CUX1: variants seen among roughly 807,000 people sequenced by gnomAD.
The protein encoded by CUX1 is protein CASP.
Under a neutral mutation model 158.8 loss-of-function variants are expected in CUX1, and 31 were observed. The ratio of observed to expected loss-of-function variants is 0.20; its 90% confidence interval spans 0.15 to 0.26. CUX1 has a LOEUF of 0.26. Among genes scored for constraint, CUX1 ranks in the 10% least tolerant of loss-of-function variants. The probability of loss-of-function intolerance (pLI) is 1.00; values close to 1 mark genes in which losing one functional copy is unlikely to be tolerated. For synonymous variants in CUX1, 879 were observed against 862.1 expected (o/e 1.02, Z -0.34); for missense variants, 1,589 against 2,014.6 (o/e 0.79, Z 4.04).
chr7:101,914,945 C>CT (rs1804006294), intron 1 of CUX1, among the ~76,000 whole-genome samples: 1 of 152,124 alleles, frequency 6.6e-6, no homozygotes, highest in African/African-American at 2.4e-5. Flanking sequence ...GCCTGTGGGA[C>CT]TTGGTGAGCT....
chr7:101,825,739 T>A (rs1249361839), intron 1 of CUX1, among the ~76,000 whole-genome samples: 1 of 148,390 alleles, frequency 6.7e-6, no homozygotes, highest in Non-Finnish European at 1.5e-5. Context: ...AACGCCCTGA[T>A]ACCTTAATGA....
At chr7:102,081,033 G>A (rs1827324978) in intron 4 of CUX1, among the ~76,000 whole-genome samples, 2 of 151,994 alleles carry the variant, frequency 1.3e-5, no homozygotes, top group South Asian at 2.1e-4. Context: ...TGGCCACTTC[G>A]CTACTCCCCA....
chr7:101,925,219 C>T (rs2129103541), intron 2 of CUX1, among the ~76,000 whole-genome samples: 1 of 152,316 alleles, frequency 6.6e-6, no homozygotes, highest in South Asian at 2.1e-4. Context: ...AGCAATTCTC[C>T]TGCCTCAGCC....
In CUX1 at chr7:102,269,330, C is replaced by A. The variant is rs73187871; in HGVS notation, c.1256-4036C>A. Among the ~76,000 whole-genome samples, 734 of 152,130 alleles carry A rather than the reference C, an allele frequency of 4.8e-3. 5 individuals are homozygous for A. Among genetic ancestry groups the A allele is most frequent in the Non-Finnish European group, 8.0e-3 (542 of 68,006 alleles). On this transcript the variant is annotated intron_variant, in intron 14 of 22. Transcript: ENST00000292538. Reference sequence around the variant, plus strand: ...GGATGAATATCCAAACTATATAATTCCACCCCTGCCCCCTCACGCAAATCT... The same window carrying A: ...GGATGAATATCCAAACTATATAATTACACCCCTGCCCCCTCACGCAAATCT...
chr7:102,214,867 T>A (rs1187886742), intron 20 of CUX1, among the ~76,000 whole-genome samples: 1 of 152,226 alleles, frequency 6.6e-6, no homozygotes, highest in East Asian at 1.9e-4. Context: ...ATAGCCCGAG[T>A]CTGAATTGGC....
rs1804217017 is a variant in CUX1, at chr7:101,916,406, G to C, written c.141+181G>C. On this transcript the variant is annotated intron_variant, in intron 2 of 23. Transcript: ENST00000292535. This position sits in a 1 kb window ranked among gnomAD's most constrained non-coding sequence, Gnocchi z 4.4. ...CAGAACGCATGCCATCCTGCAGGCT[G>C]TGGGGATGTGGAAATTGATAGGTTG... 3.9e-6 allele frequency: 2 copies of C among 510,086 alleles called. No homozygotes were observed. The highest frequency in any genetic ancestry group is 1.9e-5 in the African/African-American group (1 of 51,686). 31.6% of individuals were successfully genotyped at this position (510,086 alleles called of 1,614,324 possible).
At chr7:102,213,235 G>A (rs1796727115) in intron 20 of CUX1, among the ~76,000 whole-genome samples, 1 of 152,212 alleles carries the variant, frequency 6.6e-6, no homozygotes, top group Non-Finnish European at 1.5e-5. Context: ...TACTCCTGGT[G>A]CCGCAGTCCT....
chr7:102,126,177 C>CTGTGTGTGTGTGTGTGTGTGTG (rs3988138), intron 8 of CUX1, among the ~76,000 whole-genome samples: 1 of 135,466 alleles, frequency 7.4e-6, no homozygotes, highest in African/African-American at 2.8e-5. Context: ...CCATTTCCGG[C>CTGTGTGTGTGTGTGTGTGTGTG]TGTGTGTGTG....
intron 20 of CUX1, among the ~76,000 whole-genome samples, chr7:102,218,615 G>C (rs575591887): frequency 8.5e-5 from 13 of 152,112 alleles, no homozygotes; most frequent in African/African-American, 3.1e-4. Flanking sequence ...TTGAGCCCAG[G>C]AGGTCGATGC....
At chr7:101,944,909 C>T (rs141350219) in intron 2 of CUX1, among the ~76,000 whole-genome samples, 2 of 152,258 alleles carry the variant, frequency 1.3e-5, no homozygotes, top group African/African-American at 2.4e-5. Flanking sequence ...AATGAGAGGG[C>T]CTCTTTTCTG....
intron 23 of CUX1, among the ~76,000 whole-genome samples, chr7:102,247,355 G>A (rs1800915705): frequency 6.6e-6 from 1 of 152,204 alleles, no homozygotes; most frequent in Admixed American, 6.5e-5. Flanking sequence ...CCTCTCTCCT[G>A]AAGTCCTGAT....
intron 1 of CUX1, among the ~76,000 whole-genome samples, chr7:101,894,876 A>C (rs1801297813): frequency 6.6e-6 from 1 of 152,020 alleles, no homozygotes; most frequent in Non-Finnish European, 1.5e-5. Context: ...GTTGAACTAA[A>C]GTGTGGTTTC....
At chr7:102,205,875 G>A (rs1237884968) in intron 20 of CUX1, among the ~76,000 whole-genome samples, 1 of 151,992 alleles carries the variant, frequency 6.6e-6, no homozygotes, top group African/African-American at 2.4e-5. Context: ...CCAGGCTCTC[G>A]TCTGCGCCCC....
chr7:101,996,880 C>T (rs577296186), intron 2 of CUX1, among the ~76,000 whole-genome samples: 51 of 152,054 alleles, frequency 3.4e-4, no homozygotes, highest in Non-Finnish European at 6.0e-4. Context: ...ATGGAAATCT[C>T]GTGTCCCCTC....
chr7:102,267,400 G>A (rs1022537400), intron 14 of CUX1, among the ~76,000 whole-genome samples: 4 of 152,010 alleles, frequency 2.6e-5, no homozygotes, highest in Non-Finnish European at 4.4e-5. Context: ...CAGGCATGGT[G>A]GTGCATGCCT....
chr7:102,254,078 C>G lies in CUX1; in HGVS notation c.*5036C>G. 1.0e-6 allele frequency: 1 copy of G among 985,476 alleles called. No homozygotes were observed. The highest frequency in any genetic ancestry group is 1.2e-6 in the Non-Finnish European group (1 of 829,966). The allele number at this position is 985,476 out of a possible 1,614,324, so 61.0% of individuals were successfully genotyped here. A position where few individuals can be genotyped will look rare whatever the true frequency, so the allele number is the denominator to read the frequency against. On this transcript the variant is annotated 3_prime_UTR_variant, in exon 24 of 24. Transcript: ENST00000292535. ...CCTGGTGGGCCGGCTTTGTGTGTCT[C>G]TCCTTTTGTGAGCGCAACACGGACA... is the stretch of plus-strand genomic sequence containing the variant.
At chr7:101,911,486 G>A (rs1803457246) in intron 1 of CUX1, among the ~76,000 whole-genome samples, 1 of 152,074 alleles carries the variant, frequency 6.6e-6, no homozygotes, top group Non-Finnish European at 1.5e-5. Flanking sequence ...CCCTCCAGTG[G>A]ATGACCTGAG....
chr7:101,826,614 G>A (rs902935077), intron 1 of CUX1, among the ~76,000 whole-genome samples: 1 of 152,224 alleles, frequency 6.6e-6, no homozygotes, highest in South Asian at 2.1e-4. Context: ...GGACTGGCAG[G>A]ACGAGGCTGG....
intron 8 of CUX1, among the ~76,000 whole-genome samples, chr7:102,148,775 T>G (rs1208205913): frequency 6.6e-6 from 1 of 150,712 alleles, no homozygotes; most frequent in African/African-American, 2.4e-5. Flanking sequence ...TTTGTGAGAT[T>G]TAGGTGCACC....
Sources: allele counts gnomAD v4.1 joint callset (sites outside exome capture counted in the v4.1 genomes callset), GRCh38; gene constraint gnomAD v4.1.1; non-coding constraint Gnocchi (gnomAD v3.1); transcripts MANE v1.5; gene names NCBI Gene and HGNC (gene_info 2026-07-23, HGNC 2026-07-21).